The following LMBRD2 variants were observed in gnomAD, a reference collection of about 807,000 sequenced individuals.
The protein encoded by LMBRD2 is LMBR1 domain containing 2, also known as G protein-coupled receptor-associated protein LMBRD2.
A neutral mutation model predicts 94.4 loss-of-function variants in LMBRD2; 55 were observed. The observed-to-expected ratio is 0.58, with a 90% CI of 0.47 to 0.73. LMBRD2 has a LOEUF of 0.73. LMBRD2 is among the 30% of genes least tolerant of loss of function. LMBRD2 has a pLI of 0.00. For missense variants in LMBRD2, 640 were observed against 831.9 expected, an observed-to-expected ratio of 0.77 and a Z score of 2.84; for synonymous variants, 246 against 272.4, an observed-to-expected ratio of 0.90 and a Z score of 0.95.
intron 14 of LMBRD2, among the ~76,000 whole-genome samples, chr5:36,110,911 C>T (rs958118702): frequency 2.0e-5 from 3 of 152,084 alleles, no homozygotes; most frequent in South Asian, 2.1e-4. Flanking sequence ...GGTGTTATCT[C>T]GCTGCAGACA....
chr5:36,111,948 G>T (rs1743618426), intron 13 of LMBRD2, among the ~76,000 whole-genome samples: 1 of 151,780 alleles, frequency 6.6e-6, no homozygotes, highest in Admixed American at 6.6e-5. Flanking sequence ...AAATCCCAGA[G>T]AAAATAAAAA....
chr5:36,108,483 A>C, intron 16 of LMBRD2, 51 bp downstream of exon 16: 2 of 920,848 alleles, frequency 2.2e-6, no homozygotes, highest in Non-Finnish European at 3.4e-6. Context: ...TCTCTATGCA[A>C]GAAAGCATAA....
intron 6 of LMBRD2, among the ~76,000 whole-genome samples, chr5:36,130,728 T>C (rs967757739): frequency 6.6e-6 from 1 of 152,162 alleles, no homozygotes; most frequent in Non-Finnish European, 1.5e-5. Flanking sequence ...GCCAATAAAT[T>C]GGAAAACCTA....
Position 36,108,563 on chromosome 5 carries a change from G to A in LMBRD2, c.1868C>T (p.Ser623Leu). Residue 623 changes from serine (S) to leucine (L), a missense_variant, in exon 16 of 18, where the codon TCA becomes TTA. Transcript: ENST00000296603. Reference sequence around the variant, plus strand: ...GTTGGTATTAACATCTGAGAAGTTTGACTCTTTGGGGTCAGTATGAATATT... The same window carrying A: ...GTTGGTATTAACATCTGAGAAGTTTAACTCTTTGGGGTCAGTATGAATATT... Reference protein sequence around the residue: ...NRNIHTDPKESNFSDVNTNRS... With the variant: ...NRNIHTDPKELNFSDVNTNRS... 6.3e-7 allele frequency: 1 copy of A among 1,589,910 alleles called. No homozygotes were observed. The highest frequency in any genetic ancestry group is 1.1e-5 in the South Asian group (1 of 88,034).
In LMBRD2 at chr5:36,100,440, G is replaced by A. The variant is rs972974133; in HGVS notation, c.*3606C>T. 2.0e-5 allele frequency: 3 copies of A among 151,976 alleles called. No individual in the cohort carries two copies. The highest frequency in any genetic ancestry group is 6.6e-5 in the Admixed American group (1 of 15,240). The allele number at this position is 151,976 out of a possible 1,614,324, so 9.4% of individuals were successfully genotyped here. A position where few individuals can be genotyped will look rare whatever the true frequency, so the allele number is the denominator to read the frequency against. On this transcript the variant is annotated 3_prime_UTR_variant, in exon 18 of 18. Coordinates refer to ENST00000296603, the MANE Select transcript of LMBRD2 (RefSeq NM_001007527.2). ...TGTAGTCAGAACTAGTTCCTTCTGAGCGTACCACTCATCAAAAACAACTCT... is the reference window on the plus strand; with the variant it reads ...TGTAGTCAGAACTAGTTCCTTCTGAACGTACCACTCATCAAAAACAACTCT...
At chr5:36,136,826 G>A (rs1315926429) in intron 5 of LMBRD2, among the ~76,000 whole-genome samples, 1 of 152,122 alleles carries the variant, frequency 6.6e-6, no homozygotes, top group Non-Finnish European at 1.5e-5. Flanking sequence ...ATTTTCAGAT[G>A]TAGACCTTCA....
intron 3 of LMBRD2, among the ~76,000 whole-genome samples, chr5:36,141,615 G>A (rs1744412049): frequency 6.6e-6 from 1 of 151,718 alleles, no homozygotes; most frequent in Non-Finnish European, 1.5e-5. Context: ...TAGGGGTTGG[G>A]AGGGGAAAAC....
At chr5:36,115,529 A>G (rs1008877714) in intron 11 of LMBRD2, among the ~76,000 whole-genome samples, 8 of 152,380 alleles carry the variant, frequency 5.3e-5, no homozygotes, top group Admixed American at 5.2e-4. Flanking sequence ...CATTCTGACA[A>G]GCACAGATAT....
intron 6 of LMBRD2, among the ~76,000 whole-genome samples, chr5:36,134,051 GA>G (rs1477799656): frequency 6.6e-6 from 1 of 151,904 alleles, no homozygotes; most frequent in African/African-American, 2.4e-5. Context: ...GTATCTTATT[GA>G]AATATCAGTT....
In LMBRD2 at chr5:36,114,673, A is replaced by T. The variant is rs1228120258; in HGVS notation, c.1543-152T>A. The T allele has an allele frequency of 3.0e-6, 3 of 997,000 alleles. No individual in the cohort carries two copies. The Admixed American group carries it at 1.2e-4, about 41-fold the overall frequency. The allele number at this position is 997,000 out of a possible 1,614,324, so 61.8% of individuals were successfully genotyped here. Reference sequence around the variant, plus strand: ...AAGCAGTAAATGGACTTATTTTTTAAAATCTGCTTTTTATTGAGGTTTTCT... The same window carrying T: ...AAGCAGTAAATGGACTTATTTTTTATAATCTGCTTTTTATTGAGGTTTTCT... On this transcript the variant is annotated intron_variant, in intron 12 of 17. Coordinates refer to ENST00000296603, the MANE Select transcript of LMBRD2 (RefSeq NM_001007527.2).
intron 6 of LMBRD2, among the ~76,000 whole-genome samples, chr5:36,130,192 T>C (rs1744119997): frequency 6.6e-6 from 1 of 151,908 alleles, no homozygotes; most frequent in Non-Finnish European, 1.5e-5. Flanking sequence ...ATAATAATAA[T>C]AAAATAAAAT....
intron 11 of LMBRD2, among the ~76,000 whole-genome samples, chr5:36,115,841 G>A (rs1020124973): frequency 2.6e-5 from 4 of 152,154 alleles, no homozygotes; most frequent in African/African-American, 9.7e-5. Context: ...GGGGTAGCGT[G>A]AAGGTTACAT....
In LMBRD2 at chr5:36,117,770, G is replaced by T; in HGVS notation, c.1267C>A (p.Leu423Met). ...ATATAATTATATGTTTTTTCTGCCA[G>T]CTGTATGAAGACCGCAAAGAGGGAT... ...VLSLFAVFIQ[L>M]AEKTYNYIYI... is the part of the protein sequence containing the mutation. Residue 423 changes from leucine (L) to methionine (M), a missense_variant, in exon 10 of 18, where the codon CTG becomes ATG. Around this residue, in one of 2 missense-constraint regions of LMBRD2, gnomAD observed 457 missense variants for 642.8 expected, o/e 0.71. Coordinates refer to ENST00000296603, the MANE Select transcript of LMBRD2 (RefSeq NM_001007527.2). 6.2e-7 allele frequency: 1 copy of T among 1,609,116 alleles called. No homozygotes were observed. The highest frequency in any genetic ancestry group is 1.7e-4 in the Middle Eastern group (1 of 6,044).
In LMBRD2 at chr5:36,103,983, T is replaced by C. The variant is rs1282667298; in HGVS notation, c.*63A>G. 8.7e-7 allele frequency: 1 copy of C among 1,153,822 alleles called. No homozygotes were observed. Among genetic ancestry groups the C allele is most frequent in the Non-Finnish European group, 1.3e-6 (1 of 769,922 alleles). 71.5% of individuals were successfully genotyped at this position (1,153,822 alleles called of 1,614,324 possible). On this transcript the variant is annotated 3_prime_UTR_variant, in exon 18 of 18. Coordinates refer to ENST00000296603, the MANE Select transcript of LMBRD2 (RefSeq NM_001007527.2). ...TAGAGGAAATTCTAGGGTACACAGATGTTCATCAAGACTGAACTGATGTGT... is the reference window on the plus strand; with the variant it reads ...TAGAGGAAATTCTAGGGTACACAGACGTTCATCAAGACTGAACTGATGTGT...
intron 4 of LMBRD2, among the ~76,000 whole-genome samples, chr5:36,138,464 T>C (rs1386210485): frequency 6.6e-6 from 1 of 152,218 alleles, no homozygotes; most frequent in Non-Finnish European, 1.5e-5. Context: ...GTTCACAATG[T>C]ATAATTCTAT....
chr5:36,116,537 G>A lies in LMBRD2; in HGVS notation c.1359C>T (p.Phe453=), dbSNP rs768604636. The part of the protein sequence containing the change: ...FLSICVYSTV[F]RIRVFNYYYL... ...AATAATAGTTAAATACACGAATCCT[G>A]AACACAGTAGAATAAACACAGATAC... Residue 453 remains phenylalanine (F), a synonymous_variant, in exon 11 of 18, where the codon TTC becomes TTT. Coordinates refer to ENST00000296603, the MANE Select transcript of LMBRD2 (RefSeq NM_001007527.2). 6.2e-7 allele frequency: 1 copy of A among 1,613,076 alleles called. No homozygotes were observed. The highest frequency in any genetic ancestry group is 8.5e-7 in the Non-Finnish European group (1 of 1,179,226).
At chr5:36,139,149 G>A (rs1744343413) in intron 4 of LMBRD2, among the ~76,000 whole-genome samples, 1 of 152,238 alleles carries the variant, frequency 6.6e-6, no homozygotes, top group South Asian at 2.1e-4. Context: ...TACCCCTACA[G>A]GCTTGGAAGT....
intron 16 of LMBRD2, among the ~76,000 whole-genome samples, chr5:36,106,930 G>C (rs566485915): frequency 2.4e-4 from 37 of 152,084 alleles, no homozygotes; most frequent in Non-Finnish European, 5.0e-4. Flanking sequence ...ATGCCACAAC[G>C]TCCTGCACTT....
chr5:36,104,978 TTTAC>T (rs1374799380), intron 17 of LMBRD2, 86 bp downstream of exon 17: 29 of 1,258,468 alleles, frequency 2.3e-5, no homozygotes, highest in Non-Finnish European at 3.0e-5. Context: ...TACTTTCACC[TTTAC>T]TTACTTATTT....
Sources: gnomAD v4.1 joint callset for allele counts (sites outside exome capture counted in the v4.1 genomes callset) on GRCh38, gnomAD v4.1.1 for gene constraint, gnomAD v4.1.1 regional missense constraint, MANE v1.5 for transcripts, NCBI Gene and HGNC (gene_info 2026-07-23, HGNC 2026-07-21) for gene names.